ENOX2: variants seen among roughly 807,000 people sequenced by gnomAD.
ENOX2 encodes ecto-NOX disulfide-thiol exchanger 2, also known as APK1 antigen.
In ENOX2, 36 loss-of-function variants were observed where a neutral mutation model predicts 45.0. The observed-to-expected ratio is 0.80, with a 90% CI of 0.61 to 1.06. ENOX2 has a LOEUF of 1.06. Ranked by LOEUF, ENOX2 falls within the 50% of genes least tolerant of loss-of-function variation. The pLI is 0.00. For synonymous variants in ENOX2, 174 were observed against 152.3 expected (o/e 1.14, Z -1.05); for missense variants, 423 against 462.5 (o/e 0.91, Z 0.78).
At chrX:130,685,041 T>A (rs891096522) in intron 5 of ENOX2, among the ~76,000 whole-genome samples, 51 of 112,046 alleles carry the variant, frequency 4.6e-4, no homozygotes, top group African/African-American at 1.3e-3. Context: ...AATTTTTAAA[T>A]AGGTTATCAG....
At chrX:130,664,157 T>C (rs2036771972) in intron 9 of ENOX2, among the ~76,000 whole-genome samples, 1 of 112,450 alleles carries the variant, frequency 8.9e-6, no homozygotes, top group Non-Finnish European at 1.9e-5. Flanking sequence ...CAGATCCCTT[T>C]GCCGTGCCAG....
chrX:130,696,266 C>G (rs991070198), intron 4 of ENOX2, among the ~76,000 whole-genome samples: 1 of 111,756 alleles, frequency 8.9e-6, no homozygotes, highest in Non-Finnish European at 1.9e-5. Context: ...CCCATCTTCC[C>G]TCAACTCCTT....
chrX:130,768,737 T>C (rs1000275087), intron 3 of ENOX2, among the ~76,000 whole-genome samples: 4 of 111,684 alleles, frequency 3.6e-5, no homozygotes, highest in African/African-American at 6.5e-5. Context: ...CTTGCAAAAA[T>C]AACTCGGGGG....
At chrX:130,844,395 A>G (rs1432691997) in intron 2 of ENOX2, among the ~76,000 whole-genome samples, 1 of 111,256 alleles carries the variant, frequency 9.0e-6, no homozygotes, top group Admixed American at 9.6e-5. Context: ...TTCATGAGAG[A>G]GAGAAAGGGA....
chrX:130,808,407 A>G lies in ENOX2; in HGVS notation c.-182-24717T>C, dbSNP rs193249528. 7.2e-4 allele frequency among the ~76,000 whole-genome samples: 81 copies of G among 111,775 alleles called. 2 individuals carry two copies. The highest frequency in any genetic ancestry group is 2.5e-3 in the African/African-American group (78 of 30,810). On this transcript the variant is annotated intron_variant, in intron 2 of 14. Transcript: ENST00000394363. ...AACAAAAACTAAGACTTCTTTACATAGCCCCTTCTAATCTTGGGATATAAA... is the reference window on the plus strand; with the variant it reads ...AACAAAAACTAAGACTTCTTTACATGGCCCCTTCTAATCTTGGGATATAAA...
In ENOX2 at chrX:130,632,369, G is replaced by A. The variant is rs376513542; in HGVS notation, c.1420-793C>T. 4.7e-3 allele frequency among the ~76,000 whole-genome samples: 220 copies of A among 47,282 alleles called. 13 individuals carry two copies. Among genetic ancestry groups the A allele is most frequent in the African/African-American group, 0.017 (212 of 12,737 alleles). The allele number at this position is 47,282 out of a possible 115,157, so 41.1% of individuals were successfully genotyped here. ...CAGAATGTAGCAGGAAGGGGCGGGG[G>A]GGGGGGGTGGTCCTAAGAGAAACTC... On this transcript the variant is annotated intron_variant, in intron 12 of 14. Coordinates refer to ENST00000394363, the MANE Select transcript of ENOX2 (RefSeq NM_006375.4).
At chrX:130,778,474 G>A (rs944829288) in intron 3 of ENOX2, among the ~76,000 whole-genome samples, 1 of 111,681 alleles carries the variant, frequency 9.0e-6, no homozygotes, top group African/African-American at 3.3e-5. Flanking sequence ...GGAGGTCTAT[G>A]ATCAAGACTG....
At chrX:130,863,448 T>G (rs974398270) in intron 2 of ENOX2, among the ~76,000 whole-genome samples, 4 of 112,488 alleles carry the variant, frequency 3.6e-5, no homozygotes, top group Non-Finnish European at 5.6e-5. Context: ...TGTGTTGTTA[T>G]GATGAATAAA....
intron 10 of ENOX2, chrX:130,646,189 A>G: frequency 4.1e-6 from 2 of 483,344 alleles, no homozygotes; most frequent in East Asian, 7.9e-5. Context: ...GAACCTCTCC[A>G]TGGCAGTCAA....
chrX:130,674,365 G>GA (rs759888177), intron 6 of ENOX2, among the ~76,000 whole-genome samples: 2,081 of 89,178 alleles, frequency 0.023, 17 homozygotes, highest in Non-Finnish European at 0.032. Context: ...AAAAAAGACT[G>GA]AAAAAAAAAA....
At chrX:130,626,151 C>T (rs1315605663) in intron 14 of ENOX2, among the ~76,000 whole-genome samples, 1 of 111,308 alleles carries the variant, frequency 9.0e-6, no homozygotes, top group Non-Finnish European at 1.9e-5. Context: ...GAGGGAGCCC[C>T]GATTCTGTTG....
intron 4 of ENOX2, among the ~76,000 whole-genome samples, chrX:130,694,286 AC>A (rs1184138019): frequency 8.9e-6 from 1 of 112,105 alleles, no homozygotes; most frequent in Non-Finnish European, 1.9e-5. Flanking sequence ...AGTACACTAA[AC>A]AGCCAAACTA....
chrX:130,665,915 G>C (rs1010113105), intron 8 of ENOX2, among the ~76,000 whole-genome samples, 166 bp from the exon 9 acceptor site: 3 of 110,847 alleles, frequency 2.7e-5, no homozygotes, highest in Non-Finnish European at 5.7e-5. Context: ...ACATGTGTTG[G>C]GGTACTTTGA....
intron 3 of ENOX2, among the ~76,000 whole-genome samples, chrX:130,770,368 A>G (rs1244173940): frequency 1.8e-5 from 2 of 111,957 alleles, no homozygotes; most frequent in African/African-American, 6.5e-5. Context: ...GGCTGCTCTG[A>G]AAACTCCAGA....
At chrX:130,772,955 A>G (rs1242299598) in intron 3 of ENOX2, among the ~76,000 whole-genome samples, 1 of 112,414 alleles carries the variant, frequency 8.9e-6, no homozygotes, top group East Asian at 2.8e-4. Context: ...CTGAGTGTTC[A>G]CTACGACCTG....
intron 10 of ENOX2, among the ~76,000 whole-genome samples, chrX:130,649,267 G>A (rs1171778434): frequency 9.4e-6 from 1 of 105,916 alleles, no homozygotes; most frequent in Non-Finnish European, 1.9e-5. Context: ...AAATTACTTA[G>A]TCTTAGGTAT....
intron 2 of ENOX2, among the ~76,000 whole-genome samples, chrX:130,846,538 T>C (rs181678369): frequency 8.0e-4 from 89 of 111,562 alleles, no homozygotes; most frequent in African/African-American, 2.3e-3. Flanking sequence ...GGTTTTTCCA[T>C]GTTGATCAGG....
intron 3 of ENOX2, among the ~76,000 whole-genome samples, chrX:130,711,487 G>T: frequency 9.0e-6 from 1 of 110,594 alleles, no homozygotes. Context: ...AAGCAGGATG[G>T]ATCAAAGAGT....
intron 2 of ENOX2, among the ~76,000 whole-genome samples, chrX:130,822,067 C>CAAAAAAA (rs759582186): frequency 5.2e-5 from 1 of 19,121 alleles, no homozygotes; most frequent in Non-Finnish European, 1.1e-4. Context: ...GACTCCGTCT[C>CAAAAAAA]AAAAAAAAAA....
Sources: allele counts gnomAD v4.1 joint callset (sites outside exome capture counted in the v4.1 genomes callset), GRCh38; gene constraint gnomAD v4.1.1; transcripts MANE v1.5; gene names NCBI Gene and HGNC (gene_info 2026-07-23, HGNC 2026-07-21).